SEZ6L: variants seen among roughly 807,000 people sequenced by gnomAD.
SEZ6L encodes the protein seizure related 6 homolog like.
A neutral mutation model predicts 106.2 loss-of-function variants in SEZ6L; 37 were observed. That is an observed-to-expected ratio of 0.35 (90% CI 0.27 to 0.46). The LOEUF (loss-of-function observed/expected upper bound fraction) is 0.46, where lower values mean the gene tolerates loss of function less well. SEZ6L is among the 20% of genes least tolerant of loss of function. The probability of loss-of-function intolerance (pLI) is 1.00; values close to 1 mark genes in which losing one functional copy is unlikely to be tolerated. For missense variants in SEZ6L, 1,172 were observed against 1,332.8 expected (o/e 0.88, Z 1.88); for synonymous variants, 541 against 570.4 (o/e 0.95, Z 0.73).
chr22:26,342,433 T>C (rs1403907753), intron 10 of SEZ6L, among the ~76,000 whole-genome samples: 2 of 151,988 alleles, frequency 1.3e-5, no homozygotes, highest in Non-Finnish European at 2.9e-5. Flanking sequence ...CTCATGCCTG[T>C]AATCCTAGCA....
chr22:26,179,170 C>A (rs1385032532), intron 1 of SEZ6L, among the ~76,000 whole-genome samples: 1 of 152,140 alleles, frequency 6.6e-6, no homozygotes, highest in Non-Finnish European at 1.5e-5. Flanking sequence ...AGGAGGATCA[C>A]TTGAGGCCAG....
At chr22:26,326,155 C>T (rs759999019) in intron 9 of SEZ6L, among the ~76,000 whole-genome samples, 12 of 152,194 alleles carry the variant, frequency 7.9e-5, no homozygotes, top group Admixed American at 3.3e-4. Context: ...TCCTTGGCCA[C>T]GCCACGCTCT....
At chr22:26,297,468 T>G (rs2081333869) in intron 4 of SEZ6L, among the ~76,000 whole-genome samples, 1 of 152,178 alleles carries the variant, frequency 6.6e-6, no homozygotes, top group African/African-American at 2.4e-5. Flanking sequence ...AAGTCACAGG[T>G]TCTACTACAA....
At chr22:26,263,344 G>A (rs2080078079) in intron 1 of SEZ6L, among the ~76,000 whole-genome samples, 1 of 152,218 alleles carries the variant, frequency 6.6e-6, no homozygotes, top group Non-Finnish European at 1.5e-5. Flanking sequence ...GGGTGCATGT[G>A]ACGGCTAATG....
At chr22:26,376,134 A>T (rs1266375277) in intron 15 of SEZ6L, among the ~76,000 whole-genome samples, 1 of 152,072 alleles carries the variant, frequency 6.6e-6, no homozygotes, top group African/African-American at 2.4e-5. Flanking sequence ...CCACTCATTC[A>T]TTCACATTCA....
At chr22:26,288,102 G>A (rs955003696) in intron 1 of SEZ6L, among the ~76,000 whole-genome samples, 3 of 152,178 alleles carry the variant, frequency 2.0e-5, no homozygotes, top group Admixed American at 6.5e-5. Context: ...TCTTTTGACT[G>A]TATTTGGGTC....
rs186532298 is a variant in SEZ6L, at chr22:26,246,472, G to A, written c.95-45934G>A. 3.8e-3 allele frequency among the ~76,000 whole-genome samples: 578 copies of A among 152,062 alleles called. 2 individuals carry two copies. The highest frequency in any genetic ancestry group is 6.8e-3 in the Middle Eastern group (2 of 292). ...TCTAGTTATTAATCTAGAGAGGAAG[G>A]TAGAAGCCAACTCTCTCATATTCGT... On this transcript the variant is annotated intron_variant, in intron 1 of 16. Transcript: ENST00000248933.
chr22:26,181,923 A>G (rs1939426107), intron 1 of SEZ6L, among the ~76,000 whole-genome samples: 1 of 152,250 alleles, frequency 6.6e-6, no homozygotes, highest in African/African-American at 2.4e-5. Flanking sequence ...GAATTGTGCT[A>G]GAACACAGCA....
chr22:26,268,350 C>A (rs1046922657), intron 1 of SEZ6L, among the ~76,000 whole-genome samples: 2 of 152,212 alleles, frequency 1.3e-5, no homozygotes, highest in East Asian at 3.8e-4. Flanking sequence ...TCTTGTTTAG[C>A]CTAGCCCCTC....
At chr22:26,341,615 C>T (rs987316478) in intron 10 of SEZ6L, among the ~76,000 whole-genome samples, 1 of 152,180 alleles carries the variant, frequency 6.6e-6, no homozygotes. Flanking sequence ...TCCTCCCTTG[C>T]CTCCATCCAG....
At position 26,381,137 on chromosome 22, in the gene SEZ6L, TG is replaced by T. The variant is rs1453583748; in HGVS notation, c.*843del. 6.6e-6 allele frequency: 1 copy of T among 152,088 alleles called. No homozygotes were observed. Among genetic ancestry groups the T allele is most frequent in the Non-Finnish European group, 1.5e-5 (1 of 68,020 alleles). The allele number at this position is 152,088 out of a possible 1,614,324, so 9.4% of individuals were successfully genotyped here. A position where few individuals can be genotyped will look rare whatever the true frequency, so the allele number is the denominator to read the frequency against. On this transcript the variant is annotated 3_prime_UTR_variant, in exon 17 of 17. Coordinates refer to ENST00000248933, the MANE Select transcript of SEZ6L (RefSeq NM_021115.5). ...CTACAAGTGCCAGAATCGATCACCATGTTCAGCAAGCCACTCTCAAGCTGTG... is the reference window on the plus strand; with the variant it reads ...CTACAAGTGCCAGAATCGATCACCATTTCAGCAAGCCACTCTCAAGCTGTG...
intron 1 of SEZ6L, among the ~76,000 whole-genome samples, chr22:26,175,098 G>C (rs1195228065): frequency 6.6e-6 from 1 of 152,154 alleles, no homozygotes; most frequent in Non-Finnish European, 1.5e-5. Flanking sequence ...CATTCCCCAA[G>C]ACCACATGCA....
chr22:26,227,670 C>T (rs1240373574), intron 1 of SEZ6L, among the ~76,000 whole-genome samples: 3 of 151,134 alleles, frequency 2.0e-5, no homozygotes, highest in African/African-American at 4.9e-5. Flanking sequence ...CCTCTCACCT[C>T]GGCCTCTCAA....
intron 1 of SEZ6L, among the ~76,000 whole-genome samples, chr22:26,221,263 G>T (rs559640283): frequency 6.6e-6 from 1 of 151,974 alleles, no homozygotes; most frequent in African/African-American, 2.4e-5. Flanking sequence ...ACAGAGACTG[G>T]TCTTTTTTCA....
At chr22:26,271,550 G>C (rs184936604) in intron 1 of SEZ6L, among the ~76,000 whole-genome samples, 1 of 152,318 alleles carries the variant, frequency 6.6e-6, no homozygotes, top group South Asian at 2.1e-4. Flanking sequence ...ATGGCTTGGC[G>C]TCTTTCCCTT....
At chr22:26,247,878 C>A (rs1462210275) in intron 1 of SEZ6L, among the ~76,000 whole-genome samples, 1 of 152,198 alleles carries the variant, frequency 6.6e-6, no homozygotes, top group Non-Finnish European at 1.5e-5. Context: ...AGTGCCAGCA[C>A]TTAAACGGTC....
At chr22:26,283,171 C>T (rs1258776212) in intron 1 of SEZ6L, among the ~76,000 whole-genome samples, 1 of 152,166 alleles carries the variant, frequency 6.6e-6, no homozygotes, top group Non-Finnish European at 1.5e-5. Context: ...CTACCCACCT[C>T]AGCCTCCCAA....
chr22:26,273,362 C>T (rs1158364958), intron 1 of SEZ6L, among the ~76,000 whole-genome samples: 1 of 152,274 alleles, frequency 6.6e-6, no homozygotes, highest in African/African-American at 2.4e-5. Context: ...ACAATGGCCA[C>T]TCTGAGGACC....
chr22:26,295,874 G>A (rs2081286381), intron 3 of SEZ6L, among the ~76,000 whole-genome samples: 1 of 152,174 alleles, frequency 6.6e-6, no homozygotes, highest in South Asian at 2.1e-4. Flanking sequence ...TCGCAGCAAA[G>A]GAACAGGCAA....
Sources: gnomAD v4.1 joint callset for allele counts (sites outside exome capture counted in the v4.1 genomes callset) on GRCh38, gnomAD v4.1.1 for gene constraint, MANE v1.5 for transcripts, NCBI Gene and HGNC (gene_info 2026-07-23, HGNC 2026-07-21) for gene names.